Variants in TMEM223 observed in about 807,000 individuals in gnomAD.
TMEM223 encodes the protein transmembrane protein 223.
A neutral mutation model predicts 14.1 loss-of-function variants in TMEM223; 14 were observed. The observed-to-expected ratio is 0.99, with a 90% CI of 0.66 to 1.55. The LOEUF is 1.55. Among genes scored for constraint, TMEM223 ranks in the 40% most tolerant of loss-of-function variants. The pLI is 0.00. For missense variants in TMEM223, 346 were observed against 269.9 expected (o/e 1.28, Z -1.97); for synonymous variants, 145 against 120.5 (o/e 1.20, Z -1.33).
At chr11:62,784,185 T>C (rs2134721924), downstream of TMEM223, among the ~76,000 whole-genome samples, 1 of 149,408 alleles carries the variant, frequency 6.7e-6, no homozygotes, top group East Asian at 2.0e-4. Flanking sequence ...AGACGGGGTT[T>C]CACAATGTTG....
Position 62,790,110 on chromosome 11 carries a change from C to CG in TMEM223, c.*512_*513insC. On this transcript the variant is annotated 3_prime_UTR_variant, in exon 2 of 2. Coordinates refer to ENST00000307366, the MANE Select transcript of TMEM223 (RefSeq NM_001080501.3). The stretch of plus-strand genomic sequence containing the variant: ...TGCCCAAGTGCCTGTAATCCCCCCC[C>CG]TCAAGGCCCTGTTTATGTTGGGAGT... 1 of 1,485,654 alleles carries CG rather than the reference C, an allele frequency of 6.7e-7. No individual in the cohort carries two copies. The allele number at this position is 1,485,654 out of a possible 1,614,324, so 92.0% of individuals were successfully genotyped here.
downstream of TMEM223, chr11:62,786,715 G>A: frequency 1.2e-6 from 2 of 1,613,114 alleles, no homozygotes; most frequent in African/African-American, 2.7e-5. Flanking sequence ...GGGGCCGGAG[G>A]ACCCTTCTCT....
chr11:62,790,336 G>A lies in TMEM223; in HGVS notation c.*287C>T, dbSNP rs1039839520. 1.5e-5 allele frequency: 8 copies of A among 540,860 alleles called. No individual in the cohort carries two copies. Among genetic ancestry groups the A allele is most frequent in the Non-Finnish European group, 2.6e-5 (8 of 310,586 alleles). 33.5% of individuals were successfully genotyped at this position (540,860 alleles called of 1,614,324 possible). ...GGACTGAAACTTAGAGGTACTGTTA[G>A]GCAGCTGCCCTAGGGATGACTGCTC... On this transcript the variant is annotated 3_prime_UTR_variant, in exon 2 of 2. Transcript: ENST00000307366.
chr11:62,779,976 A>ATATATATATATATATTTTTTTTTTTTTT, intron 1 of TMEM223, among the ~76,000 whole-genome samples: 1 of 52,632 alleles, frequency 1.9e-5, no homozygotes, highest in Non-Finnish European at 3.6e-5. Context: ...ATATATATAT[A>ATATATATATATATATTTTTTTTTTTTTT]TTTTTTTTTT....
chr11:62,776,492 G>A, intron 1 of TMEM223: 1 of 1,611,720 alleles, frequency 6.2e-7, no homozygotes, highest in Non-Finnish European at 8.5e-7. Flanking sequence ...GCAGGCTACA[G>A]AGGGCTCAGG....
At chr11:62,787,423 C>A (rs762694742), downstream of TMEM223, 1 of 1,559,782 alleles carries the variant, frequency 6.4e-7, no homozygotes, top group Non-Finnish European at 8.6e-7. Flanking sequence ...TCCTGGTGGT[C>A]AGGGCGCCAT....
At chr11:62,778,957 G>A in intron 1 of TMEM223, 1 of 1,613,214 alleles carries the variant, frequency 6.2e-7, no homozygotes, top group Non-Finnish European at 8.5e-7. Context: ...ATCCGCAACT[G>A]ATGAAGGTGA....
intron 1 of TMEM223, among the ~76,000 whole-genome samples, chr11:62,779,952 C>CTATATATATATATATATATA (rs1225374367): frequency 1.0e-5 from 1 of 100,064 alleles, no homozygotes; most frequent in African/African-American, 4.5e-5. Context: ...AGGCGTGAGC[C>CTATATATATATATATATATA]TATATATATA....
chr11:62,774,770 G>A (rs538500293), intron 1 of TMEM223: 52 of 381,966 alleles, frequency 1.4e-4, no homozygotes, highest in African/African-American at 8.2e-4. Context: ...CCAACATGGC[G>A]AAATCTTGTT....
At chr11:62,774,919 T>G (rs12575887) in intron 1 of TMEM223, among the ~76,000 whole-genome samples, 148,581 of 148,710 alleles carry the variant, frequency 1, 74,226 homozygotes, top group Non-Finnish European at 1. Context: ...AATTTAGCCA[T>G]CCGGGCGTGG....
downstream of TMEM223, chr11:62,789,667 A>G: frequency 6.5e-7 from 1 of 1,547,460 alleles, no homozygotes; most frequent in South Asian, 1.3e-5. Flanking sequence ...ACTCCAACCT[A>G]CACAATGCTG....
downstream of TMEM223, among the ~76,000 whole-genome samples, chr11:62,788,318 G>A (rs1177507757): frequency 6.6e-6 from 1 of 152,122 alleles, no homozygotes. Flanking sequence ...CAGGAGAATC[G>A]CTTGAACCTG....
downstream of TMEM223, chr11:62,787,445 G>T: frequency 1.3e-6 from 2 of 1,568,922 alleles, no homozygotes; most frequent in Non-Finnish European, 1.7e-6. Flanking sequence ...GCGCTGTCCT[G>T]GCTGCAGCGC....
At chr11:62,778,478 C>T in intron 1 of TMEM223, 1 of 989,224 alleles carries the variant, frequency 1.0e-6, no homozygotes, top group Non-Finnish European at 1.5e-6. Context: ...GGGCGCTGGG[C>T]TCTGCATGGA....
At chr11:62,779,952 C>CTACATATA in intron 1 of TMEM223, among the ~76,000 whole-genome samples, 1 of 100,056 alleles carries the variant, frequency 1.0e-5, no homozygotes, top group East Asian at 3.0e-4. Context: ...AGGCGTGAGC[C>CTACATATA]TATATATATA....
At chr11:62,776,418 G>A (rs1221292522) in intron 1 of TMEM223, 6 of 1,613,654 alleles carry the variant, frequency 3.7e-6, no homozygotes, top group African/African-American at 2.7e-5. Flanking sequence ...ACCAAACGCC[G>A]GAAGCTGACG....
chr11:62,773,421 C>T (rs1200525010), intron 2 of TMEM223, among the ~76,000 whole-genome samples: 1 of 150,186 alleles, frequency 6.7e-6, no homozygotes, highest in Non-Finnish European at 1.5e-5. Context: ...GCTGGGATTA[C>T]AGATGAGCCA....
intron 1 of TMEM223, chr11:62,777,926 C>T (rs1443229609): frequency 1.7e-5 from 27 of 1,596,048 alleles, no homozygotes; most frequent in East Asian, 2.2e-5. Context: ...TGGATCCTGA[C>T]GCCTGCTCCC....
Position 62,790,925 on chromosome 11 carries a change from G to C in TMEM223, c.317-10C>G. Reference sequence around the variant, plus strand: ...CCGAGTACGAGGGCTCCTGCAGGCAGGGCAGAGATTGGGGTGAGGGGTTTT... The same window carrying C: ...CCGAGTACGAGGGCTCCTGCAGGCACGGCAGAGATTGGGGTGAGGGGTTTT... On this transcript the variant is annotated splice_polypyrimidine_tract_variant and intron_variant, in intron 1 of 1. Transcript: ENST00000307366. 6.4e-7 allele frequency: 1 copy of C among 1,555,024 alleles called. No homozygotes were observed. The highest frequency in any genetic ancestry group is 8.7e-7 in the Non-Finnish European group (1 of 1,146,130).
Sources: allele counts gnomAD v4.1 joint callset (sites outside exome capture counted in the v4.1 genomes callset), GRCh38; gene constraint gnomAD v4.1.1; transcripts MANE v1.5; gene names NCBI Gene and HGNC (gene_info 2026-07-23, HGNC 2026-07-21).